The following MAP7 variants were observed in gnomAD, a reference collection of about 807,000 sequenced individuals.
MAP7 encodes the protein ensconsin.
MAP7 carries 52 observed loss-of-function variants against 94.8 expected under a neutral mutation model. The ratio of observed to expected loss-of-function variants is 0.55; its 90% CI spans 0.44 to 0.69. The LOEUF (loss-of-function observed/expected upper bound fraction) is 0.69. MAP7 is among the 30% of genes least tolerant of loss of function. MAP7 has a pLI of 0.00. For synonymous variants in MAP7, 350 were observed against 357.0 expected (o/e 0.98, Z 0.22); for missense variants, 940 against 964.6 (o/e 0.97, Z 0.34).
In MAP7 at chr6:136,391,123, C is replaced by A. The variant is rs535477153; in HGVS notation, c.245-1606G>T. 9.9e-5 allele frequency among the ~76,000 whole-genome samples: 15 copies of A among 152,176 alleles called. No individual in the cohort carries two copies. The East Asian group carries it at 2.9e-3, about 29-fold the overall frequency. On this transcript the variant is annotated intron_variant, in intron 3 of 17. Transcript: ENST00000354570. ...TCATTGTTGGACATTTGGGTTGGTT[C>A]CAAGTCTTTGCTATTGTGAATAGTG...
At position 136,354,248 on chromosome 6, in the gene MAP7, A is replaced by G. The variant is rs945249662; in HGVS notation, c.2015+2444T>C. ...TTCTTTTAAATTCCTATAAATATAT[A>G]TAAATTTCCTTTAAAGGAAATATAT... On this transcript the variant is annotated intron_variant, in intron 16 of 17. Coordinates refer to ENST00000354570, the MANE Select transcript of MAP7 (RefSeq NM_003980.6). 2.8e-5 allele frequency among the ~76,000 whole-genome samples: 4 copies of G among 145,204 alleles called. No homozygotes were observed. In the Admixed American group the frequency reaches 2.8e-4, roughly 10 times the overall value.
chr6:136,542,374 G>A (rs190113253), intron 1 of MAP7, among the ~76,000 whole-genome samples: 86 of 152,278 alleles, frequency 5.6e-4, no homozygotes, highest in African/African-American at 1.5e-3. Flanking sequence ...CTGATGAAAC[G>A]TCCAATGACA....
chr6:136,512,972 T>C (rs1461687562), intron 1 of MAP7, among the ~76,000 whole-genome samples: 1 of 150,948 alleles, frequency 6.6e-6, no homozygotes, highest in African/African-American at 2.5e-5. Flanking sequence ...GCTAGGACTA[T>C]AGGCTTGTGA....
chr6:136,377,536 A>G (rs1354479212), intron 7 of MAP7, among the ~76,000 whole-genome samples: 1 of 152,234 alleles, frequency 6.6e-6, no homozygotes, highest in Non-Finnish European at 1.5e-5. Context: ...GAGCCCGGGG[A>G]GAGGCTTCAT....
At chr6:136,473,908 G>A (rs964449818) in intron 1 of MAP7, among the ~76,000 whole-genome samples, 1 of 151,840 alleles carries the variant, frequency 6.6e-6, no homozygotes, top group Admixed American at 6.6e-5. Context: ...TCCACTGGAT[G>A]AAGACAGATA....
intron 8 of MAP7, among the ~76,000 whole-genome samples, chr6:136,368,191 C>T (rs1208898850): frequency 6.6e-6 from 1 of 151,962 alleles, no homozygotes; most frequent in Non-Finnish European, 1.5e-5. Context: ...CCCTCCCAAC[C>T]AGGGAGTTTT....
At chr6:136,545,943 T>C (rs1350921505) in intron 1 of MAP7, among the ~76,000 whole-genome samples, 1 of 152,218 alleles carries the variant, frequency 6.6e-6, no homozygotes, top group Non-Finnish European at 1.5e-5. Context: ...TTTTTAAAAG[T>C]ACAATTAAGT....
Position 136,381,610 on chromosome 6 carries a change from G to C in MAP7, c.637+2061C>G, listed in dbSNP as rs112851115. The stretch of plus-strand genomic sequence containing the variant: ...TTAAAAAGAAAAAAATTCCTTCCTA[G>C]ACAATATATGGGAGCCCCTTCAGGC... On this transcript the variant is annotated intron_variant, in intron 6 of 17. Transcript: ENST00000354570. 3.5e-3 allele frequency among the ~76,000 whole-genome samples: 537 copies of C among 152,114 alleles called. 4 individuals carry two copies. The highest frequency in any genetic ancestry group is 0.012 in the African/African-American group (501 of 41,484).
chr6:136,526,750 T>G (rs1827975017), intron 1 of MAP7: 17 of 900,214 alleles, frequency 1.9e-5, no homozygotes, highest in Non-Finnish European at 2.1e-5. Flanking sequence ...TTTCTTCTTT[T>G]CTGGGCCAGG....
At chr6:136,450,916 AG>A (rs1291647353) in intron 1 of MAP7, among the ~76,000 whole-genome samples, 2 of 152,244 alleles carry the variant, frequency 1.3e-5, no homozygotes, top group Non-Finnish European at 2.9e-5. Context: ...ACATGACTGT[AG>A]GAGACAAAAA....
In MAP7 at chr6:136,449,002, TAA is replaced by T. The variant is rs748818487; in HGVS notation, c.68-27205_68-27204del. Among the ~76,000 whole-genome samples the T allele has an allele frequency of 8.6e-4, 58 of 67,736 alleles. 1 individual carries two copies. The highest frequency in any genetic ancestry group is 1.8e-3 in the South Asian group (3 of 1,648). The allele number at this position is 67,736 out of a possible 152,430, so 44.4% of individuals were successfully genotyped here. A position where few individuals can be genotyped will look rare whatever the true frequency, so the allele number is the denominator to read the frequency against. ...GGTACTGGGGACACAACAGTGGTGT[TAA>T]AAAAAAAAAAAAAAAAGAAGCAAGC... On this transcript the variant is annotated intron_variant, in intron 1 of 17. Coordinates refer to ENST00000354570, the MANE Select transcript of MAP7 (RefSeq NM_003980.6).
At chr6:136,358,604 A>G (rs968521342) in intron 15 of MAP7, among the ~76,000 whole-genome samples, 2 of 152,200 alleles carry the variant, frequency 1.3e-5, no homozygotes, top group Non-Finnish European at 1.5e-5. Context: ...AATACTTTAC[A>G]TTTGAAAACC....
intron 1 of MAP7, among the ~76,000 whole-genome samples, chr6:136,466,245 A>C (rs1807008491): frequency 6.6e-6 from 1 of 152,188 alleles, no homozygotes; most frequent in Non-Finnish European, 1.5e-5. Context: ...AGCAAACAAC[A>C]GCACTCCCCA....
At position 136,361,169 on chromosome 6, in the gene MAP7, C is replaced by G. The variant is rs771642716; in HGVS notation, c.1537G>C (p.Glu513Gln). The G allele has an allele frequency of 6.2e-7, 1 of 1,602,920 alleles. No individual in the cohort carries two copies. The highest frequency in any genetic ancestry group is 8.5e-7 in the Non-Finnish European group (1 of 1,179,952). The change falls in exon 12 of 18, where the codon GAG (glutamate) becomes CAG (glutamine). Residue 513 changes from glutamate (E) to glutamine (Q), a missense_variant. By Grantham distance (29) the Glu-to-Gln change is conservative (BLOSUM62 2). Coordinates refer to ENST00000354570, the MANE Select transcript of MAP7 (RefSeq NM_003980.6). ...TCAGCCACACGTTGAGCCAATTCCT[C>G]TCTCTTTTGTCTGGAAAAAGACAGA... ...EQEELERQKR[E>Q]ELAQRVAEER...
At chr6:136,481,376 C>T (rs1483215727) in intron 1 of MAP7, among the ~76,000 whole-genome samples, 1 of 152,100 alleles carries the variant, frequency 6.6e-6, no homozygotes, top group African/African-American at 2.4e-5. Flanking sequence ...AAGTGTCGAT[C>T]AACAGACAAA....
chr6:136,508,662 C>G (rs1237648528), intron 1 of MAP7, among the ~76,000 whole-genome samples: 2 of 152,120 alleles, frequency 1.3e-5, no homozygotes, highest in Non-Finnish European at 2.9e-5. Context: ...AAAGATAATG[C>G]TAAATGCCAT....
chr6:136,446,717 T>C (rs1312496929), intron 1 of MAP7, among the ~76,000 whole-genome samples: 1 of 152,192 alleles, frequency 6.6e-6, no homozygotes, highest in Non-Finnish European at 1.5e-5. Context: ...ATTTCAGTAG[T>C]TGCATGCCAG....
intron 1 of MAP7, among the ~76,000 whole-genome samples, chr6:136,485,713 C>A (rs1398386690): frequency 6.6e-6 from 1 of 151,568 alleles, no homozygotes; most frequent in African/African-American, 2.4e-5. Flanking sequence ...CAGGCGCCCG[C>A]CACTACGCCC....
At chr6:136,494,279 A>C (rs1463903060) in intron 1 of MAP7, among the ~76,000 whole-genome samples, 1 of 152,174 alleles carries the variant, frequency 6.6e-6, no homozygotes, top group East Asian at 1.9e-4. Context: ...GCAGTAGCTA[A>C]ATTAGAATTC....
Sources: gnomAD v4.1 joint callset for allele counts (sites outside exome capture counted in the v4.1 genomes callset) on GRCh38, gnomAD v4.1.1 for gene constraint, MANE v1.5 for transcripts, NCBI Gene and HGNC (gene_info 2026-07-23, HGNC 2026-07-21) for gene names.